Variants in MGME1 observed in about 807,000 individuals in gnomAD.
MGME1 encodes mitochondrial genome maintenance exonuclease 1.
A neutral mutation model predicts 33.0 loss-of-function variants in MGME1; 22 were observed. The observed-to-expected ratio is 0.67, with a 90% CI of 0.48 to 0.95. MGME1 has a LOEUF of 0.95. Among genes scored for constraint, MGME1 ranks in the 40% least tolerant of loss-of-function variants. The probability of loss-of-function intolerance (pLI) is 0.00; values close to 1 mark genes in which losing one functional copy is unlikely to be tolerated. For synonymous variants in MGME1, 133 were observed against 144.0 expected, an observed-to-expected ratio of 0.92 and a Z score of 0.55; for missense variants, 383 against 397.8, an observed-to-expected ratio of 0.96 and a Z score of 0.32.
At chr20:17,975,615 A>T in intron 2 of MGME1, 69 bp from the exon 3 acceptor site, 5 of 1,052,242 alleles carry the variant, frequency 4.8e-6, no homozygotes, top group Non-Finnish European at 7.2e-6. Flanking sequence ...GGCGTTTTAG[A>T]GTATTTGTTT....
intron 4 of MGME1, 106 bp downstream of exon 4, chr20:17,988,404 G>A (rs1408575193): frequency 1.6e-6 from 2 of 1,219,228 alleles, no homozygotes; most frequent in African/African-American, 1.5e-5. Flanking sequence ...CACTTTGGGA[G>A]GCCAAGGCCG....
intron 3 of MGME1, among the ~76,000 whole-genome samples, chr20:17,987,403 A>G (rs1002604414): frequency 6.6e-6 from 1 of 152,226 alleles, no homozygotes; most frequent in Non-Finnish European, 1.5e-5. Context: ...TACAAACTAC[A>G]TTTCAATGAC....
intron 2 of MGME1, chr20:17,972,856 T>TA (rs2035765107): frequency 3.7e-6 from 3 of 815,162 alleles, no homozygotes; most frequent in Middle Eastern, 6.1e-4. Context: ...ACCTAGTGTG[T>TA]AGATGAATGC....
chr20:17,988,652 CAA>C (rs1239119788), intron 4 of MGME1, among the ~76,000 whole-genome samples: 3 of 66,156 alleles, frequency 4.5e-5, no homozygotes, highest in African/African-American at 5.9e-5. Flanking sequence ...GAATCTGTCT[CAA>C]AAAAAAAAAA....
At chr20:17,976,952 C>T (rs1179367687) in intron 3 of MGME1, among the ~76,000 whole-genome samples, 4 of 152,044 alleles carry the variant, frequency 2.6e-5, no homozygotes, top group Admixed American at 2.0e-4. Context: ...TGAGCCACCA[C>T]GCCCGGTCCC....
intron 3 of MGME1, among the ~76,000 whole-genome samples, chr20:17,981,695 C>T (rs528690031): frequency 3.3e-5 from 5 of 149,326 alleles, no homozygotes; most frequent in African/African-American, 1.0e-4. Flanking sequence ...GTCAGAGTCT[C>T]GCTCTATTGC....
At chr20:17,975,235 G>A (rs577083807) in intron 2 of MGME1, among the ~76,000 whole-genome samples, 1 of 152,160 alleles carries the variant, frequency 6.6e-6, no homozygotes, top group African/African-American at 2.4e-5. Flanking sequence ...GCTGAAATTT[G>A]GTCTTAGGGG....
At chr20:17,972,396 T>C (rs1464109771) in intron 2 of MGME1, among the ~76,000 whole-genome samples, 2 of 151,980 alleles carry the variant, frequency 1.3e-5, no homozygotes, top group Non-Finnish European at 2.9e-5. Context: ...ATTTATATTT[T>C]GTGTATAAAT....
chr20:17,981,648 C>CTGTGTGTGTGTGTGT (rs1491588702), intron 3 of MGME1, among the ~76,000 whole-genome samples: 1 of 139,696 alleles, frequency 7.2e-6, no homozygotes, highest in African/African-American at 2.7e-5. Flanking sequence ...ATCTACTACT[C>CTGTGTGTGTGTGTGT]GTGTGTGTGT....
In MGME1 at chr20:17,990,227, G is replaced by A. The variant is rs2036261589; in HGVS notation, c.*118G>A. ...GGATCTGAGTGCTACACGAACACAAGTAGAAGTATTAATTTGTTGAAATGT... is the reference window on the plus strand; with the variant it reads ...GGATCTGAGTGCTACACGAACACAAATAGAAGTATTAATTTGTTGAAATGT... On this transcript the variant is annotated 3_prime_UTR_variant, in exon 5 of 5. Transcript: ENST00000377710. 3.6e-6 allele frequency: 3 copies of A among 841,936 alleles called. No homozygotes were observed. The highest frequency in any genetic ancestry group is 5.9e-6 in the Non-Finnish European group (3 of 510,760). The allele number at this position is 841,936 out of a possible 1,614,324, so 52.2% of individuals were successfully genotyped here.
At chr20:17,981,076 G>A (rs1446083123) in intron 3 of MGME1, among the ~76,000 whole-genome samples, 2 of 151,938 alleles carry the variant, frequency 1.3e-5, no homozygotes, top group Non-Finnish European at 2.9e-5. Context: ...TGCCTTCTAC[G>A]CTCTTTTTTG....
chr20:17,989,388 C>CAAATAAAT (rs58644150), intron 4 of MGME1, among the ~76,000 whole-genome samples: 14,038 of 142,342 alleles, frequency 0.099, 867 homozygotes, highest in African/African-American at 0.15. Flanking sequence ...TGTCTCTCTC[C>CAAATAAAT]AAATAAATAA....
At chr20:17,974,061 GTTTTT>G (rs34206000) in intron 2 of MGME1, among the ~76,000 whole-genome samples, 1 of 85,474 alleles carries the variant, frequency 1.2e-5, no homozygotes, top group African/African-American at 4.0e-5. Context: ...CTCTTTGTGT[GTTTTT>G]TTTTTTTTTT....
intron 1 of MGME1, 108 bp downstream of exon 1, chr20:17,969,249 C>A (rs1297980585): frequency 6.6e-6 from 1 of 152,376 alleles, no homozygotes; most frequent in Admixed American, 6.5e-5. Context: ...GGGTCCGCAC[C>A]CACGGCGGAG....
intron 3 of MGME1, among the ~76,000 whole-genome samples, chr20:17,981,894 C>A (rs1277231715): frequency 6.7e-6 from 1 of 148,882 alleles, no homozygotes; most frequent in Non-Finnish European, 1.5e-5. Flanking sequence ...CTAAGGTGAT[C>A]CACCCATCTC....
At chr20:17,974,407 T>C (rs985989249) in intron 2 of MGME1, among the ~76,000 whole-genome samples, 1 of 152,116 alleles carries the variant, frequency 6.6e-6, no homozygotes, top group Non-Finnish European at 1.5e-5. Context: ...GGGCTTACTA[T>C]GCAAGCGCTT....
intron 3 of MGME1, among the ~76,000 whole-genome samples, chr20:17,977,916 C>G (rs759609160): frequency 1.6e-4 from 25 of 152,114 alleles, no homozygotes; most frequent in Non-Finnish European, 3.5e-4. Flanking sequence ...ACCCCTAATC[C>G]AAATAAGGCA....
At chr20:17,980,050 A>G (rs994172356) in intron 3 of MGME1, among the ~76,000 whole-genome samples, 1 of 151,672 alleles carries the variant, frequency 6.6e-6, no homozygotes, top group Non-Finnish European at 1.5e-5. Flanking sequence ...TTTGAGAAGG[A>G]GTTTTGCTGT....
rs1356306014 is a variant in MGME1 at position 17,990,430 on chromosome 20, C to A, written c.*321C>A. On this transcript the variant is annotated 3_prime_UTR_variant, in exon 5 of 5. Transcript: ENST00000377710. ...GACATTGGGGGGGGGGGGGCGTGGT[C>A]CCAGGCAGGATGCCCAGTCTTTGAG... is the stretch of plus-strand genomic sequence containing the variant. The A allele has an allele frequency of 8.1e-6, 3 of 368,566 alleles. No individual in the cohort carries two copies. The Admixed American group carries it at 1.5e-4, about 19-fold the overall frequency. 22.8% of individuals were successfully genotyped at this position (368,566 alleles called of 1,614,324 possible).
Sources: gnomAD v4.1 joint callset for allele counts (sites outside exome capture counted in the v4.1 genomes callset) on GRCh38, gnomAD v4.1.1 for gene constraint, MANE v1.5 for transcripts, NCBI Gene and HGNC (gene_info 2026-07-23, HGNC 2026-07-21) for gene names.